The following PAPPA variants were observed in gnomAD, a reference collection of about 807,000 sequenced individuals.
PAPPA encodes the protein pappalysin 1, also known as pappalysin-1.
PAPPA carries 60 observed loss-of-function variants against 164.0 expected under a neutral mutation model. The ratio of observed to expected loss-of-function variants is 0.37; its 90% CI spans 0.30 to 0.45. The LOEUF (loss-of-function observed/expected upper bound fraction) is 0.45. Ranked by LOEUF, PAPPA falls within the 20% of genes least tolerant of loss-of-function variation. PAPPA has a pLI of 1.00. For missense variants in PAPPA, 1,782 were observed against 2,087.3 expected, an observed-to-expected ratio of 0.85 and a Z score of 2.85; for synonymous variants, 875 against 814.1, an observed-to-expected ratio of 1.07 and a Z score of -1.27.
chr9:116,236,535 G>A (rs184781626), intron 7 of PAPPA, among the ~76,000 whole-genome samples: 3 of 147,774 alleles, frequency 2.0e-5, no homozygotes, highest in South Asian at 2.2e-4. Context: ...GCAGTGAACC[G>A]AGATCATGCC....
chr9:116,375,966 T>C (rs1270417798), intron 19 of PAPPA, among the ~76,000 whole-genome samples: 2 of 152,154 alleles, frequency 1.3e-5, no homozygotes, highest in Non-Finnish European at 1.5e-5. Context: ...GAAATAATTG[T>C]AATCTGGCAT....
intron 2 of PAPPA, among the ~76,000 whole-genome samples, chr9:116,192,616 G>A (rs1244771934): frequency 6.6e-6 from 1 of 152,226 alleles, no homozygotes; most frequent in African/African-American, 2.4e-5. Flanking sequence ...TGGTGTGAAT[G>A]AAGGGTCCAC....
At position 116,327,544 on chromosome 9, in the gene PAPPA, G is replaced by A. The variant is rs1350201356; in HGVS notation, c.3148-3700G>A. 6.0e-5 allele frequency among the ~76,000 whole-genome samples: 9 copies of A among 151,230 alleles called. No homozygotes were observed. The East Asian group carries it at 1.8e-3, about 30-fold the overall frequency. ...CAAAACATTCAGTAAAGTCAACATTGCTCAGCAATGCTTTATGGAGTTGGA... is the reference window on the plus strand; with the variant it reads ...CAAAACATTCAGTAAAGTCAACATTACTCAGCAATGCTTTATGGAGTTGGA... On this transcript the variant is annotated intron_variant, in intron 10 of 21. Transcript: ENST00000328252.
chr9:116,296,318 A>C (rs1845505680), intron 9 of PAPPA, among the ~76,000 whole-genome samples: 1 of 152,234 alleles, frequency 6.6e-6, no homozygotes, highest in Admixed American at 6.5e-5. Context: ...GCACCTAGTT[A>C]GTTTAGTCTA....
chr9:116,227,840 G>T lies in PAPPA; in HGVS notation c.2233+288G>T, dbSNP rs1041405325. On this transcript the variant is annotated intron_variant, in intron 6 of 21. Transcript: ENST00000328252. The stretch of plus-strand genomic sequence containing the variant: ...CACCTGATACAAACACAGTGTCTTG[G>T]GGGTATTTATATATCCTTCAGACCC... Among the ~76,000 whole-genome samples the T allele has an allele frequency of 6.6e-6, 1 of 152,062 alleles. No individual in the cohort carries two copies. The highest frequency in any genetic ancestry group is 1.9e-4 in the East Asian group (1 of 5,186).
chr9:116,367,636 T>C lies in PAPPA; in HGVS notation c.4496-9T>C, dbSNP rs1408176675. The C allele has an allele frequency of 6.2e-6, 10 of 1,607,150 alleles. No individual in the cohort carries two copies. Among genetic ancestry groups the C allele is most frequent in the Admixed American group, 1.7e-5 (1 of 59,934 alleles). ...GCCTGAGCTGCGCCTCATGCTGTAC[T>C]TCCCTCAGGGTCGGAGTGTGCCACC... On this transcript the variant is annotated splice_polypyrimidine_tract_variant and intron_variant, in intron 18 of 21. Transcript: ENST00000328252.
In PAPPA at chr9:116,265,968, C is replaced by T. The variant is rs781110561; in HGVS notation, c.2844C>T (p.Gly948=). 18 of 1,608,626 alleles carry T rather than the reference C, an allele frequency of 1.1e-5. No individual in the cohort carries two copies. The South Asian group carries it at 1.3e-4, about 12-fold the overall frequency. The change falls in exon 8 of 22, where the codon GGC becomes GGT. Residue 948 remains glycine, a synonymous_variant. Transcript: ENST00000328252. ...VTYIHGSGYC[G]DGIIQKDQGE... ...ACATCCATGGAAGTGGGTACTGTGG[C>T]GATGGCATTATACAAAAGTAAGTAG...
At chr9:116,379,352 C>T (rs572867854) in intron 20 of PAPPA, among the ~76,000 whole-genome samples, 2 of 152,160 alleles carry the variant, frequency 1.3e-5, no homozygotes, top group East Asian at 1.9e-4. Context: ...GGTTTGGGGA[C>T]CCCTGAGCCC....
At chr9:116,316,780 C>T (rs1439675114) in intron 10 of PAPPA, among the ~76,000 whole-genome samples, 1 of 152,234 alleles carries the variant, frequency 6.6e-6, no homozygotes. Flanking sequence ...TCATACATCA[C>T]TGCATTGCAT....
chr9:116,287,509 A>C (rs1263078128), intron 9 of PAPPA: 5 of 152,202 alleles, frequency 3.3e-5, no homozygotes, highest in Non-Finnish European at 7.3e-5. Flanking sequence ...TGGAGCTTAG[A>C]CTAGAGTGCG....
At chr9:116,305,127 G>GCACACAAA (rs1211466718) in intron 10 of PAPPA, among the ~76,000 whole-genome samples, 1 of 80,750 alleles carries the variant, frequency 1.2e-5, no homozygotes, top group East Asian at 3.8e-4. Context: ...AAGTACGTGG[G>GCACACAAA]CACACAGACA....
chr9:116,211,149 A>C (rs1339659313), intron 3 of PAPPA, among the ~76,000 whole-genome samples: 1 of 152,202 alleles, frequency 6.6e-6, no homozygotes, highest in Non-Finnish European at 1.5e-5. Flanking sequence ...AGATTCAGAG[A>C]TGCTAATTAC....
intron 7 of PAPPA, among the ~76,000 whole-genome samples, chr9:116,250,812 C>T (rs563463757): frequency 2.0e-5 from 3 of 152,166 alleles, no homozygotes; most frequent in Non-Finnish European, 2.9e-5. Flanking sequence ...TTGAACTTAG[C>T]GCTCCTAATT....
chr9:116,303,071 A>G, intron 10 of PAPPA, 121 bp downstream of exon 10: 1 of 714,004 alleles, frequency 1.4e-6, no homozygotes, highest in Non-Finnish European at 2.3e-6. Context: ...TATCTTTATT[A>G]AATGTACTGT....
chr9:116,301,550 T>C (rs1342438708), intron 9 of PAPPA, among the ~76,000 whole-genome samples: 1 of 152,254 alleles, frequency 6.6e-6, no homozygotes, highest in Non-Finnish European at 1.5e-5. Flanking sequence ...TGTATTGTTC[T>C]GTGTTGAAAT....
At chr9:116,205,152 TC>T (rs1176543347) in intron 2 of PAPPA, among the ~76,000 whole-genome samples, 3 of 150,230 alleles carry the variant, frequency 2.0e-5, no homozygotes, top group African/African-American at 7.3e-5. Context: ...TGTGGAGTCT[TC>T]CCCCTTAGGG....
In PAPPA at chr9:116,344,626, G is replaced by C; in HGVS notation, c.3695G>C (p.Arg1232Pro). 1 of 1,614,122 alleles carries C rather than the reference G, an allele frequency of 6.2e-7. No homozygotes were observed. Among genetic ancestry groups the C allele is most frequent in the Non-Finnish European group, 8.5e-7 (1 of 1,179,988 alleles). The change falls in exon 14 of 22, where the codon CGC (arginine) becomes CCC (proline). Residue 1232 changes from arginine to proline, a missense_variant. Around this residue, in one of 2 missense-constraint regions of PAPPA, gnomAD observed 1,324 missense variants for 1,656.9 expected, o/e 0.80. Coordinates refer to ENST00000328252, the MANE Select transcript of PAPPA (RefSeq NM_002581.5). Reference protein sequence around the residue: ...NASLNCSSSDRYHGAQCTVSC... With the variant: ...NASLNCSSSDPYHGAQCTVSC... The stretch of plus-strand genomic sequence containing the variant: ...TCTCTCAATTGCTCCAGCAGCGACC[G>C]CTACCACGGTGCCCAGTGTACTGTG...
intron 7 of PAPPA, among the ~76,000 whole-genome samples, chr9:116,237,182 C>T (rs1231176418): frequency 6.6e-6 from 1 of 152,240 alleles, no homozygotes; most frequent in Non-Finnish European, 1.5e-5. Flanking sequence ...CTTCCTTTTA[C>T]ATACTAGCAA....
At chr9:116,369,849 A>C (rs1275175263) in intron 19 of PAPPA, among the ~76,000 whole-genome samples, 1 of 151,062 alleles carries the variant, frequency 6.6e-6, no homozygotes, top group Non-Finnish European at 1.5e-5. Flanking sequence ...CGAGAGAACC[A>C]TAATGAGGTT....
Sources: allele counts gnomAD v4.1 joint callset (sites outside exome capture counted in the v4.1 genomes callset), GRCh38; gene constraint gnomAD v4.1.1; regional missense constraint gnomAD v4.1.1; transcripts MANE v1.5; gene names NCBI Gene and HGNC (gene_info 2026-07-23, HGNC 2026-07-21).